The following EPAS1 variants were observed in gnomAD, a reference collection of about 807,000 sequenced individuals.
EPAS1 encodes endothelial PAS domain-containing protein 1.
EPAS1 carries 23 observed loss-of-function variants against 87.9 expected under a neutral mutation model. The observed-to-expected ratio is 0.26, with a 90% CI of 0.19 to 0.37. The LOEUF (loss-of-function observed/expected upper bound fraction) is 0.37, where lower values mean the gene tolerates loss of function less well. EPAS1 is among the 10% of genes least tolerant of loss of function. The pLI is 1.00. For synonymous variants in EPAS1, 508 were observed against 444.3 expected, an observed-to-expected ratio of 1.14 and a Z score of -1.80; for missense variants, 1,138 against 1,120.7, an observed-to-expected ratio of 1.02 and a Z score of -0.22.
chr2:46,298,775 G>T (rs1449725128), intron 1 of EPAS1, among the ~76,000 whole-genome samples: 1 of 152,166 alleles, frequency 6.6e-6, no homozygotes, highest in East Asian at 1.9e-4. Context: ...GCCCTCTCCC[G>T]GCCGCTCCCA....
Position 46,375,989 on chromosome 2 carries a change from G to A in EPAS1, c.1034+152G>A. On this transcript the variant is annotated intron_variant, in intron 8 of 15. Transcript: ENST00000263734. The surrounding 1 kb of genome is among the most constrained non-coding windows in gnomAD (Gnocchi z 4.1). ...TCTTGCAGGGCTAACCCTAGTGACT[G>A]AGAGGACTTCCTGTGGATGTCTTGG... is the stretch of plus-strand genomic sequence containing the variant. 1.9e-6 allele frequency: 2 copies of A among 1,039,222 alleles called. No individual in the cohort carries two copies. Among genetic ancestry groups the A allele is most frequent in the South Asian group, 2.6e-5 (2 of 76,028 alleles). 64.4% of individuals were successfully genotyped at this position (1,039,222 alleles called of 1,614,324 possible). A position where few individuals can be genotyped will look rare whatever the true frequency, so the allele number is the denominator to read the frequency against.
chr2:46,372,808 A>G (rs1684654154), intron 7 of EPAS1, among the ~76,000 whole-genome samples: 1 of 152,244 alleles, frequency 6.6e-6, no homozygotes, highest in South Asian at 2.1e-4. Context: ...AAAGAGTAAG[A>G]GCCCTGAATT....
chr2:46,340,440 CTT>C (rs1260038547), intron 1 of EPAS1, among the ~76,000 whole-genome samples: 1 of 152,196 alleles, frequency 6.6e-6, no homozygotes, highest in African/African-American at 2.4e-5. Flanking sequence ...CAGGATTCCT[CTT>C]TCAGGGAAGT....
rs1295472875 is a variant in EPAS1 at position 46,346,469 on chromosome 2, C to G, written c.27-404C>G. Reference sequence around the variant, plus strand: ...GTTTTTTTATCTTGTTCTCCAGAGCCCTTGACAAAGCCATCTGAGCCACTG... The same window carrying G: ...GTTTTTTTATCTTGTTCTCCAGAGCGCTTGACAAAGCCATCTGAGCCACTG... On this transcript the variant is annotated intron_variant, in intron 1 of 15. Transcript: ENST00000263734. This position sits in a 1 kb window ranked among gnomAD's most constrained non-coding sequence, Gnocchi z 4.0. Among the ~76,000 whole-genome samples the G allele has an allele frequency of 1.3e-5, 2 of 152,142 alleles. No homozygotes were observed. Among genetic ancestry groups the G allele is most frequent in the Non-Finnish European group, 2.9e-5 (2 of 68,026 alleles).
rs2103655121 is a variant in EPAS1 at position 46,371,413 on chromosome 2, C to A, written c.886+1480C>A. Among the ~76,000 whole-genome samples, 3 of 152,284 alleles carry A rather than the reference C, an allele frequency of 2.0e-5. No homozygotes were observed. In the South Asian group the frequency reaches 6.2e-4, roughly 32 times the overall value. The stretch of plus-strand genomic sequence containing the variant: ...TTTTGGGTTTGATTTGACAGTACAA[C>A]AGGGCCCATTATGATATCTCAGAGA... On this transcript the variant is annotated intron_variant, in intron 7 of 15. Coordinates refer to ENST00000263734, the MANE Select transcript of EPAS1 (RefSeq NM_001430.5). The surrounding 1 kb of genome is among the most constrained non-coding windows in gnomAD (Gnocchi z 4.3).
rs570279528 is a variant in EPAS1, at chr2:46,378,458, G to A, written c.1444-199G>A. Among the ~76,000 whole-genome samples, 3 of 152,344 alleles carry A rather than the reference G, an allele frequency of 2.0e-5. No homozygotes were observed. In the South Asian group the frequency reaches 6.2e-4, roughly 32 times the overall value. On this transcript the variant is annotated intron_variant, in intron 10 of 15. Transcript: ENST00000263734. ...AGCGACAGTAGCCTCATTTTATGAT[G>A]AGGAGACTGGAATTTAGAGAGGTTG...
At chr2:46,310,062 A>G (rs1233781838) in intron 1 of EPAS1, among the ~76,000 whole-genome samples, 1 of 152,156 alleles carries the variant, frequency 6.6e-6, no homozygotes, top group African/African-American at 2.4e-5. Flanking sequence ...TCACTCTGAT[A>G]TATGTTTCTT....
Position 46,376,694 on chromosome 2 carries a change from C to G in EPAS1, c.1190C>G (p.Pro397Arg). Reference protein sequence around the residue: ...NFLFTKLKEEPEELAQLAPTP... With the variant: ...NFLFTKLKEEREELAQLAPTP... The stretch of plus-strand genomic sequence containing the variant: ...CTATTCACCAAGCTAAAGGAGGAGC[C>G]CGAGGAGCTGGCCCAGCTGGCTCCC... The change falls in exon 9 of 16, where the codon CCC becomes CGC. Residue 397 changes from proline to arginine, a missense_variant. Physicochemically the swap from Pro to Arg is moderately radical, Grantham distance 103. Around this residue, in one of 4 missense-constraint regions of EPAS1, gnomAD observed 284 missense variants for 258.4 expected, o/e 1.10. Transcript: ENST00000263734. 1.2e-6 allele frequency: 2 copies of G among 1,613,630 alleles called. No individual in the cohort carries two copies. The highest frequency in any genetic ancestry group is 2.2e-5 in the South Asian group (2 of 91,040).
chr2:46,383,407 G>A (rs915685281), intron 15 of EPAS1, among the ~76,000 whole-genome samples: 3 of 152,218 alleles, frequency 2.0e-5, no homozygotes, highest in African/African-American at 2.4e-5. Flanking sequence ...ATGTCTTCAT[G>A]AGGTTTGTTT....
intron 2 of EPAS1, among the ~76,000 whole-genome samples, chr2:46,353,552 G>A (rs898963524): frequency 2.0e-5 from 3 of 152,216 alleles, no homozygotes; most frequent in Admixed American, 6.5e-5. Flanking sequence ...CTGGCCTATA[G>A]ATGATTCTGA....
intron 1 of EPAS1, among the ~76,000 whole-genome samples, chr2:46,304,458 C>G (rs1321154238): frequency 6.6e-6 from 1 of 152,182 alleles, no homozygotes; most frequent in African/African-American, 2.4e-5. Context: ...TTCTGACTCA[C>G]AATAAGTGCT....
intron 1 of EPAS1, chr2:46,335,997 T>G (rs1240249813): frequency 2.0e-5 from 3 of 152,156 alleles, no homozygotes; most frequent in Non-Finnish European, 2.9e-5. Flanking sequence ...GATTTCCAAG[T>G]GGGAAGGAGC....
At chr2:46,308,463 G>GGGC (rs998662227) in intron 1 of EPAS1, among the ~76,000 whole-genome samples, 1 of 142,402 alleles carries the variant, frequency 7.0e-6, no homozygotes, top group Non-Finnish European at 1.5e-5. Context: ...TTTTTTTTGG[G>GGGC]GGGGGGGGCT....
intron 1 of EPAS1, among the ~76,000 whole-genome samples, chr2:46,331,559 G>C (rs1683674415): frequency 6.6e-6 from 1 of 152,210 alleles, no homozygotes; most frequent in South Asian, 2.1e-4. Context: ...CATGGGAAAA[G>C]AACAGATGCA....
intron 1 of EPAS1, among the ~76,000 whole-genome samples, chr2:46,304,737 C>T (rs372853395): frequency 3.3e-5 from 5 of 152,322 alleles, no homozygotes; most frequent in African/African-American, 1.2e-4. Flanking sequence ...CTTCGGACTC[C>T]ATTGTGCAGG....
At chr2:46,378,226 C>A in intron 10 of EPAS1, 139 bp downstream of exon 10, 1 of 1,410,774 alleles carries the variant, frequency 7.1e-7, no homozygotes, top group East Asian at 2.5e-5. Flanking sequence ...GTGACACTTA[C>A]CTACCAGGTA....
intron 6 of EPAS1, among the ~76,000 whole-genome samples, chr2:46,365,296 A>G (rs537214285): frequency 2.0e-5 from 3 of 152,332 alleles, no homozygotes; most frequent in African/African-American, 7.2e-5. Flanking sequence ...AGGGTCATAC[A>G]ATTTTTACAG....
intron 1 of EPAS1, among the ~76,000 whole-genome samples, chr2:46,308,514 G>A (rs1304126049): frequency 6.8e-6 from 1 of 147,688 alleles, no homozygotes; most frequent in East Asian, 2.0e-4. Flanking sequence ...TAATAGAATT[G>A]CTTTGTTCAT....
chr2:46,358,634 C>A (rs954936789), intron 4 of EPAS1, among the ~76,000 whole-genome samples: 1 of 152,214 alleles, frequency 6.6e-6, no homozygotes, highest in East Asian at 1.9e-4. Flanking sequence ...AAGGCGACAA[C>A]CTTTCAGTTC....
Sources: gnomAD v4.1 joint callset for allele counts (sites outside exome capture counted in the v4.1 genomes callset) on GRCh38, gnomAD v4.1.1 for gene constraint, gnomAD v4.1.1 regional missense constraint, Gnocchi (gnomAD v3.1) non-coding constraint, MANE v1.5 for transcripts, NCBI Gene and HGNC (gene_info 2026-07-23, HGNC 2026-07-21) for gene names.